The following PPM1F variants were observed in gnomAD, a reference collection of about 807,000 sequenced individuals.
The protein encoded by PPM1F is protein phosphatase, Mg2+/Mn2+ dependent 1F, also known as protein phosphatase 1F.
In PPM1F, 17 loss-of-function variants were observed where a neutral mutation model predicts 35.5. The ratio of observed to expected loss-of-function variants is 0.48; its 90% CI spans 0.33 to 0.72. The LOEUF (loss-of-function observed/expected upper bound fraction) is 0.72. Among genes scored for constraint, PPM1F ranks in the 30% least tolerant of loss-of-function variants. The pLI is 0.02. For synonymous variants in PPM1F, 241 were observed against 255.5 expected, an observed-to-expected ratio of 0.94 and a Z score of 0.54; for missense variants, 521 against 613.0, an observed-to-expected ratio of 0.85 and a Z score of 1.59.
intron 1 of PPM1F, chr22:21,948,408 A>C (rs1236516229): frequency 6.6e-6 from 1 of 152,096 alleles, no homozygotes; most frequent in African/African-American, 2.4e-5. Flanking sequence ...TCAAACGACA[A>C]AGGGAAGACT....
chr22:21,933,194 T>C (rs544838974), intron 5 of PPM1F, among the ~76,000 whole-genome samples, 197 bp downstream of exon 5: 1 of 152,172 alleles, frequency 6.6e-6, no homozygotes, highest in African/African-American at 2.4e-5. Context: ...AGGCCCACCA[T>C]GCTGGGTCGG....
chr22:21,938,028 G>T, intron 3 of PPM1F: 1 of 1,154,288 alleles, frequency 8.7e-7, no homozygotes, highest in Non-Finnish European at 1.1e-6. Flanking sequence ...CTACTTCCGT[G>T]ACAGGGAGAG....
chr22:21,937,800 C>A, intron 3 of PPM1F: 1 of 252,848 alleles, frequency 4.0e-6, no homozygotes, highest in Non-Finnish European at 8.0e-6. Context: ...GCGGCTGAGG[C>A]AGTGCTGCCC....
intron 3 of PPM1F, chr22:21,938,247 C>T: frequency 7.7e-7 from 1 of 1,301,044 alleles, no homozygotes. Context: ...AGAGACCCAT[C>T]AGGCGGGGAG....
At chr22:21,948,057 G>C (rs1220754547) in intron 1 of PPM1F, 1 of 152,144 alleles carries the variant, frequency 6.6e-6, no homozygotes, top group African/African-American at 2.4e-5. Context: ...TAGGAATAGG[G>C]GTGCTTGCTA....
chr22:21,923,083 G>A lies in PPM1F; in HGVS notation c.*9C>T. 14 of 1,588,722 alleles carry A rather than the reference G, an allele frequency of 8.8e-6. No homozygotes were observed. The highest frequency in any genetic ancestry group is 1.2e-5 in the Non-Finnish European group (14 of 1,168,166). Reference sequence around the variant, plus strand: ...GGGAGGAAGGGGAGGGCAGGGGCCTGGAAACCACCTAGCTTCTTGGTGGAG... The same window carrying A: ...GGGAGGAAGGGGAGGGCAGGGGCCTAGAAACCACCTAGCTTCTTGGTGGAG... On this transcript the variant is annotated 3_prime_UTR_variant, in exon 8 of 8. Coordinates refer to ENST00000263212, the MANE Select transcript of PPM1F (RefSeq NM_014634.4).
chr22:21,946,893 C>T (rs1181299216), intron 1 of PPM1F: 1 of 152,190 alleles, frequency 6.6e-6, no homozygotes, highest in Non-Finnish European at 1.5e-5. Context: ...CTCTTCCTCC[C>T]TAAGTCCTTA....
intron 1 of PPM1F, chr22:21,949,675 G>A (rs1265026531): frequency 6.6e-6 from 1 of 152,336 alleles, no homozygotes; most frequent in African/African-American, 2.4e-5. Context: ...GAATAAGAGG[G>A]ACGTGTGCAT....
chr22:21,924,276 T>C (rs191122289), intron 7 of PPM1F, among the ~76,000 whole-genome samples: 137 of 151,424 alleles, frequency 9.0e-4, no homozygotes, highest in Non-Finnish European at 1.5e-3. Flanking sequence ...CACTTTTTTT[T>C]TTTTTTTTGA....
intron 6 of PPM1F, among the ~76,000 whole-genome samples, chr22:21,928,156 T>C (rs2070543127): frequency 6.6e-6 from 1 of 152,012 alleles, no homozygotes; most frequent in East Asian, 1.9e-4. Context: ...CTGAAACAGC[T>C]TCCCAGGTCA....
intron 6 of PPM1F, chr22:21,925,895 C>T (rs2070508327): frequency 2.2e-6 from 1 of 444,694 alleles, no homozygotes; most frequent in South Asian, 5.7e-5. Flanking sequence ...AATGAACGGA[C>T]CACCTGAGGC....
At position 21,931,137 on chromosome 22, in the gene PPM1F, G is replaced by T; in HGVS notation, c.891+11C>A. On this transcript the variant is annotated intron_variant, in intron 6 of 7. Transcript: ENST00000263212. ...GGAATATCCTGGGCCTGGGCGCAGG[G>T]ATCCCCTTACCTGCCGTTCTGGTCT... is the stretch of plus-strand genomic sequence containing the variant. 10 of 1,613,892 alleles carry T rather than the reference G, an allele frequency of 6.2e-6. No individual in the cohort carries two copies. The highest frequency in any genetic ancestry group is 6.8e-6 in the Non-Finnish European group (8 of 1,179,856).
At chr22:21,926,914 A>G (rs968094429) in intron 6 of PPM1F, among the ~76,000 whole-genome samples, 1 of 152,186 alleles carries the variant, frequency 6.6e-6, no homozygotes, top group Non-Finnish European at 1.5e-5. Flanking sequence ...CCCTCTCCAG[A>G]TGCCTGCACC....
At chr22:21,946,135 A>G in intron 1 of PPM1F, 27 bp from the exon 2 acceptor site, 2 of 1,162,132 alleles carry the variant, frequency 1.7e-6, no homozygotes, top group Non-Finnish European at 2.3e-6. Context: ...GAGTCAGCAG[A>G]ATCAGGGGGC....
intron 7 of PPM1F, 46 bp from the exon 8 acceptor site, chr22:21,923,517 C>T: frequency 6.5e-7 from 1 of 1,546,970 alleles, no homozygotes; most frequent in Non-Finnish European, 8.8e-7. Flanking sequence ...ACGGTGTCCA[C>T]AGCTTCCTCC....
chr22:21,925,248 G>T (rs1440949303), intron 7 of PPM1F: 1 of 406,570 alleles, frequency 2.5e-6, no homozygotes, highest in Non-Finnish European at 4.3e-6. Flanking sequence ...AACGCGGGAG[G>T]AGGATAAACC....
Position 21,923,264 on chromosome 22 carries a change from C to CG in PPM1F, c.1192dup (p.Arg398ProfsTer50). On this transcript the variant is annotated frameshift_variant, in exon 8 of 8. Transcript: ENST00000263212. LOFTEE classifies it high-confidence loss of function. Reference sequence around the variant, plus strand: ...GATGTTGTCGTGGGAGCCCCGCTCCCGGGCCGCAGCCACCAGCTCCTCGGC... The same window carrying CG: ...GATGTTGTCGTGGGAGCCCCGCTCCCGGGGCCGCAGCCACCAGCTCCTCGGC... 1 of 1,613,394 alleles carries CG rather than the reference C, an allele frequency of 6.2e-7. No individual in the cohort carries two copies. The highest frequency in any genetic ancestry group is 8.5e-7 in the Non-Finnish European group (1 of 1,179,950).
At chr22:21,946,224 G>A (rs1438167879) in intron 1 of PPM1F, 116 bp from the exon 2 acceptor site, 2 of 500,466 alleles carry the variant, frequency 4.0e-6, no homozygotes, top group African/African-American at 2.0e-5. Flanking sequence ...GGCCACTAGA[G>A]GGTGGAGGGA....
At chr22:21,934,540 A>G (rs994814134) in intron 3 of PPM1F, 6 of 325,716 alleles carry the variant, frequency 1.8e-5, no homozygotes, top group African/African-American at 1.3e-4. Flanking sequence ...ATAATTGCCC[A>G]TTAATTAGAA....
Sources: gnomAD v4.1 joint callset for allele counts (sites outside exome capture counted in the v4.1 genomes callset) on GRCh38, gnomAD v4.1.1 for gene constraint, MANE v1.5 for transcripts, NCBI Gene and HGNC (gene_info 2026-07-23, HGNC 2026-07-21) for gene names.